The following TBC1D5 variants were observed in gnomAD, a reference collection of about 807,000 sequenced individuals.
The protein encoded by TBC1D5 is TBC1 domain family, member 5.
In TBC1D5, 75 loss-of-function variants were observed where a neutral mutation model predicts 100.3. That is an observed-to-expected ratio of 0.75 (90% CI 0.62 to 0.91). TBC1D5 has a LOEUF of 0.91. Among genes scored for constraint, TBC1D5 ranks in the 40% least tolerant of loss-of-function variants. The pLI is 0.00. For missense variants in TBC1D5, 910 were observed against 942.4 expected, an observed-to-expected ratio of 0.97 and a Z score of 0.45; for synonymous variants, 323 against 325.6, an observed-to-expected ratio of 0.99 and a Z score of 0.09.
intron 13 of TBC1D5, among the ~76,000 whole-genome samples, chr3:17,326,623 C>A (rs1355162793): frequency 6.6e-6 from 1 of 152,132 alleles, no homozygotes; most frequent in Non-Finnish European, 1.5e-5. Context: ...CAGGTATTCA[C>A]CACGCCCTGC....
At chr3:17,677,835 T>C (rs1052733006) in intron 1 of TBC1D5, among the ~76,000 whole-genome samples, 69 of 152,332 alleles carry the variant, frequency 4.5e-4, no homozygotes, top group Admixed American at 3.9e-3. Context: ...GATGAGTTCA[T>C]GTCCTTTGTA....
chr3:17,286,231 G>A (rs1334819894), intron 15 of TBC1D5, among the ~76,000 whole-genome samples: 1 of 152,098 alleles, frequency 6.6e-6, no homozygotes, highest in African/African-American at 2.4e-5. Context: ...TTTGCTAAAG[G>A]GTAAAAACAG....
At chr3:17,619,252 A>G (rs745527246) in intron 2 of TBC1D5, among the ~76,000 whole-genome samples, 4 of 152,178 alleles carry the variant, frequency 2.6e-5, no homozygotes, top group Non-Finnish European at 4.4e-5. Context: ...CTTTTTACGG[A>G]GTTAGACAAG....
intron 3 of TBC1D5, among the ~76,000 whole-genome samples, chr3:17,459,319 T>C (rs1285883276): frequency 6.6e-6 from 1 of 152,120 alleles, no homozygotes; most frequent in Non-Finnish European, 1.5e-5. Context: ...CATTAGATTC[T>C]CATAAGGAGT....
chr3:17,700,937 C>T (rs927015896), intron 1 of TBC1D5, among the ~76,000 whole-genome samples: 13 of 152,150 alleles, frequency 8.5e-5, no homozygotes, highest in African/African-American at 2.7e-4. Flanking sequence ...CCTCAAAGAT[C>T]TAGAACTCGA....
chr3:17,542,851 T>C (rs540109091), intron 2 of TBC1D5, among the ~76,000 whole-genome samples: 2 of 152,298 alleles, frequency 1.3e-5, no homozygotes, highest in East Asian at 3.9e-4. Flanking sequence ...TACAGCTGCA[T>C]TTGGTTTGTT....
chr3:17,682,742 G>C lies in TBC1D5; in HGVS notation c.-101+56601C>G, dbSNP rs955493778. Among the ~76,000 whole-genome samples the C allele has an allele frequency of 2.0e-5, 3 of 151,398 alleles. No homozygotes were observed. The East Asian group carries it at 5.8e-4, about 29-fold the overall frequency. ...TAAGATAAATTATGTCATTAACCTA[G>C]TTATTAAAATATTTCCTATTAATAA... On this transcript the variant is annotated intron_variant, in intron 1 of 21. Transcript: ENST00000253692.
Position 17,245,022 on chromosome 3 carries a change from CAAAAAAAAAA to C in TBC1D5, c.1332-6613_1332-6604del, listed in dbSNP as rs34531807. Among the ~76,000 whole-genome samples, 14 of 35,360 alleles carry C rather than the reference CAAAAAAAAAA, an allele frequency of 4.0e-4. No homozygotes were observed. The East Asian group carries it at 9.0e-3, about 23-fold the overall frequency. The allele number at this position is 35,360 out of a possible 152,430, so 23.2% of individuals were successfully genotyped here. On this transcript the variant is annotated intron_variant, in intron 16 of 21. Coordinates refer to ENST00000253692, the Ensembl canonical transcript of TBC1D5. ...GCGATATAGTGAGACCCTGTCTCTA[CAAAAAAAAAA>C]AAAAAAAAAAAAAAGCCAGCCATGG...
intron 2 of TBC1D5, among the ~76,000 whole-genome samples, chr3:17,547,969 CTAAAACATAT>C (rs2096434788): frequency 6.6e-6 from 1 of 152,062 alleles, no homozygotes; most frequent in Admixed American, 6.6e-5. Flanking sequence ...TGGCTAAGAT[CTAAAACATAT>C]AGTACTCTGT....
At chr3:17,449,590 T>TC (rs2094878731) in intron 3 of TBC1D5, among the ~76,000 whole-genome samples, 1 of 152,064 alleles carries the variant, frequency 6.6e-6, no homozygotes, top group Non-Finnish European at 1.5e-5. Context: ...TAGGCAGTTT[T>TC]CCCCTCAGAG....
intron 18 of TBC1D5, among the ~76,000 whole-genome samples, chr3:17,192,472 C>T (rs1007163919): frequency 6.6e-6 from 1 of 151,944 alleles, no homozygotes; most frequent in Non-Finnish European, 1.5e-5. Flanking sequence ...AAAATGAGAA[C>T]GTTAGTGGAT....
At chr3:17,417,569 A>G (rs1041684111) in intron 4 of TBC1D5, among the ~76,000 whole-genome samples, 13 of 152,062 alleles carry the variant, frequency 8.5e-5, no homozygotes, top group African/African-American at 3.1e-4. Flanking sequence ...TATGTGCCAC[A>G]TTTTCTTAAT....
At chr3:17,715,042 T>C (rs1301466682) in intron 1 of TBC1D5, among the ~76,000 whole-genome samples, 1 of 152,238 alleles carries the variant, frequency 6.6e-6, no homozygotes, top group Non-Finnish European at 1.5e-5. Flanking sequence ...CTCTTATGTA[T>C]TATCAGAATT....
At chr3:17,600,603 T>C (rs969564164) in intron 2 of TBC1D5, among the ~76,000 whole-genome samples, 7 of 152,200 alleles carry the variant, frequency 4.6e-5, no homozygotes, top group African/African-American at 1.7e-4. Flanking sequence ...TAAACTATTA[T>C]AAAGCAGTAA....
chr3:17,177,602 C>T (rs950421616), intron 19 of TBC1D5, among the ~76,000 whole-genome samples: 2 of 152,146 alleles, frequency 1.3e-5, no homozygotes, highest in Non-Finnish European at 2.9e-5. Flanking sequence ...AATTTAAGTT[C>T]TCTTACTCCT....
intron 13 of TBC1D5, among the ~76,000 whole-genome samples, chr3:17,353,992 T>C (rs949777123): frequency 6.6e-6 from 1 of 152,064 alleles, no homozygotes; most frequent in African/African-American, 2.4e-5. Flanking sequence ...AGACAGTACA[T>C]ACTGATGATT....
chr3:17,533,074 G>GACACAC (rs9310518), intron 2 of TBC1D5, among the ~76,000 whole-genome samples: 63 of 145,050 alleles, frequency 4.3e-4, no homozygotes, highest in East Asian at 6.3e-4. Context: ...CACATACACA[G>GACACAC]ACACACACAC....
chr3:17,449,854 A>G (rs1418843123), intron 3 of TBC1D5, among the ~76,000 whole-genome samples: 2 of 152,174 alleles, frequency 1.3e-5, no homozygotes, highest in Admixed American at 6.5e-5. Context: ...GAGAGCAGCA[A>G]ATCTCCCAGC....
intron 19 of TBC1D5, among the ~76,000 whole-genome samples, chr3:17,177,520 T>A (rs2067912250): frequency 6.6e-6 from 1 of 152,148 alleles, no homozygotes; most frequent in Admixed American, 6.5e-5. Flanking sequence ...AAGCATGGGG[T>A]TATGAATATG....
Sources: allele counts gnomAD v4.1 joint callset (sites outside exome capture counted in the v4.1 genomes callset), GRCh38; gene constraint gnomAD v4.1.1; transcripts MANE v1.5; gene names NCBI Gene and HGNC (gene_info 2026-07-23, HGNC 2026-07-21).